The following SUGCT variants were observed in gnomAD, a reference collection of about 807,000 sequenced individuals.
The protein encoded by SUGCT is succinyl-CoA:glutarate-CoA transferase.
A neutral mutation model predicts 55.0 loss-of-function variants in SUGCT; 41 were observed. The ratio of observed to expected loss-of-function variants is 0.74; its 90% CI spans 0.58 to 0.97. The LOEUF (loss-of-function observed/expected upper bound fraction) is 0.97. Among genes scored for constraint, SUGCT ranks in the 50% least tolerant of loss-of-function variants. The pLI is 0.00. For synonymous variants in SUGCT, 187 were observed against 200.4 expected, an observed-to-expected ratio of 0.93 and a Z score of 0.56; for missense variants, 568 against 547.8, an observed-to-expected ratio of 1.04 and a Z score of -0.37.
At chr7:41,010,591 C>T in the SUGCT span, among the ~76,000 whole-genome samples, 1 of 152,116 alleles carries the variant, frequency 6.6e-6, no homozygotes, top group Admixed American at 6.5e-5. Context: ...GGAGAAGTCA[C>T]AGATGAGAGT....
At chr7:40,701,157 G>T (rs965936218) in intron 12 of SUGCT, among the ~76,000 whole-genome samples, 1 of 152,180 alleles carries the variant, frequency 6.6e-6, no homozygotes, top group African/African-American at 2.4e-5. Context: ...GGAAACGTTT[G>T]TTGGGCTTCG....
chr7:40,272,337 C>T (rs549533900), intron 7 of SUGCT, among the ~76,000 whole-genome samples: 59 of 149,470 alleles, frequency 3.9e-4, no homozygotes, highest in African/African-American at 1.2e-3. Flanking sequence ...CCACCATGCC[C>T]GGCTAATTTT....
At chr7:40,160,287 G>C (rs1784084893) in intron 1 of SUGCT, among the ~76,000 whole-genome samples, 1 of 152,092 alleles carries the variant, frequency 6.6e-6, no homozygotes, top group Non-Finnish European at 1.5e-5. Context: ...GGAGTGCAGT[G>C]GTATGATCTC....
intron 1 of SUGCT, among the ~76,000 whole-genome samples, chr7:40,163,174 G>A (rs892447546): frequency 7.2e-5 from 11 of 152,186 alleles, no homozygotes; most frequent in African/African-American, 1.9e-4. Context: ...TGCAAGAGAA[G>A]CTGGAAAATG....
At chr7:40,307,661 G>C (rs977582200) in intron 8 of SUGCT, among the ~76,000 whole-genome samples, 1 of 152,212 alleles carries the variant, frequency 6.6e-6, no homozygotes, top group East Asian at 1.9e-4. Flanking sequence ...ACAGTGTGCA[G>C]TAAGTGTTAG....
chr7:40,271,806 C>T (rs1359010308), intron 7 of SUGCT, among the ~76,000 whole-genome samples: 1 of 151,802 alleles, frequency 6.6e-6, no homozygotes, highest in African/African-American at 2.4e-5. Flanking sequence ...TGTTTGTACC[C>T]ACTAATCAAC....
At chr7:40,606,209 C>T (rs57955744) in intron 12 of SUGCT, among the ~76,000 whole-genome samples, 6,421 of 152,092 alleles carry the variant, frequency 0.042, 453 homozygotes, top group African/African-American at 0.15. Context: ...AAAGGATTAA[C>T]GGGAAAGCTT....
chr7:40,678,228 G>A (rs994507402), intron 12 of SUGCT, among the ~76,000 whole-genome samples: 5 of 152,180 alleles, frequency 3.3e-5, no homozygotes, highest in African/African-American at 7.2e-5. Context: ...ATTGGTTGCC[G>A]TCGTGGAGAC....
the SUGCT span, among the ~76,000 whole-genome samples, chr7:40,941,843 T>C: frequency 6.6e-6 from 1 of 152,110 alleles, no homozygotes; most frequent in Admixed American, 6.6e-5. Context: ...ATTTTTACTG[T>C]TGTTGCCTTA....
At chr7:40,735,086 C>A (rs1787087680) in intron 12 of SUGCT, among the ~76,000 whole-genome samples, 1 of 152,182 alleles carries the variant, frequency 6.6e-6, no homozygotes, top group Non-Finnish European at 1.5e-5. Flanking sequence ...ACTCTGCTGA[C>A]CACCACTCGG....
chr7:40,487,202 A>G (rs1392703251), intron 11 of SUGCT, among the ~76,000 whole-genome samples: 8 of 140,380 alleles, frequency 5.7e-5, no homozygotes, highest in Non-Finnish European at 9.0e-5. Context: ...CTTCTACCAC[A>G]GCCTTCCAGG....
intron 1 of SUGCT, chr7:40,152,366 T>A (rs1788619727): frequency 6.6e-6 from 1 of 152,428 alleles, no homozygotes; most frequent in Non-Finnish European, 1.5e-5. Flanking sequence ...GTTGGTTAGG[T>A]CAGATCCCTT....
chr7:40,449,410 A>G, intron 10 of SUGCT, 52 bp downstream of exon 10: 1 of 1,471,554 alleles, frequency 6.8e-7, no homozygotes, highest in East Asian at 2.3e-5. Flanking sequence ...AGCCAGGGAA[A>G]GTTCAGTTTT....
At chr7:40,264,347 A>G (rs1280248537) in intron 7 of SUGCT, among the ~76,000 whole-genome samples, 1 of 152,212 alleles carries the variant, frequency 6.6e-6, no homozygotes, top group Non-Finnish European at 1.5e-5. Context: ...TTGAGTTACT[A>G]AATGGAATTT....
chr7:40,200,439 G>T (rs1316211902), intron 6 of SUGCT, among the ~76,000 whole-genome samples: 3 of 148,902 alleles, frequency 2.0e-5, no homozygotes, highest in South Asian at 2.1e-4. Flanking sequence ...GTTTTTTTTT[G>T]AGGGGGGTAA....
chr7:40,437,453 A>G (rs1192402045), intron 9 of SUGCT, among the ~76,000 whole-genome samples: 2 of 152,198 alleles, frequency 1.3e-5, no homozygotes, highest in Non-Finnish European at 2.9e-5. Flanking sequence ...ATATTTAGCA[A>G]TGAGCTCTCA....
chr7:40,983,612 G>A, the SUGCT span, among the ~76,000 whole-genome samples: 4 of 152,136 alleles, frequency 2.6e-5, no homozygotes, highest in African/African-American at 9.7e-5. Context: ...ACTCAGAGGA[G>A]ACAGAGCAGC....
At chr7:40,955,154 G>GT in the SUGCT span, among the ~76,000 whole-genome samples, 3 of 152,176 alleles carry the variant, frequency 2.0e-5, no homozygotes, top group Admixed American at 6.5e-5. Context: ...ATTTAAAGTA[G>GT]TTTTTTCTAA....
the SUGCT span, among the ~76,000 whole-genome samples, chr7:41,032,801 G>T: frequency 6.6e-6 from 1 of 152,178 alleles, no homozygotes; most frequent in Non-Finnish European, 1.5e-5. Context: ...GTCTCACTCT[G>T]TCGCTAGGCT....
Sources: allele counts gnomAD v4.1 joint callset (sites outside exome capture counted in the v4.1 genomes callset), GRCh38; gene constraint gnomAD v4.1.1; transcripts MANE v1.5; gene names NCBI Gene and HGNC (gene_info 2026-07-23, HGNC 2026-07-21).